MTHFSD: variants seen among roughly 807,000 people sequenced by gnomAD.
MTHFSD encodes the protein methenyltetrahydrofolate synthetase domain containing.
MTHFSD carries 37 observed loss-of-function variants against 31.1 expected under a neutral mutation model. The observed-to-expected ratio is 1.19, with a 90% CI of 0.91 to 1.56. The LOEUF (loss-of-function observed/expected upper bound fraction) is 1.56, where lower values mean the gene tolerates loss of function less well. MTHFSD is among the 40% of genes most tolerant of loss of function. The probability of loss-of-function intolerance (pLI) is 0.00; values close to 1 mark genes in which losing one functional copy is unlikely to be tolerated. For synonymous variants in MTHFSD, 221 were observed against 206.9 expected (o/e 1.07, Z -0.59); for missense variants, 664 against 510.1 (o/e 1.30, Z -2.91).
Position 86,552,171 on chromosome 16 carries a change from G to C in MTHFSD, c.124-25C>G, listed in dbSNP as rs116406954. ...CCTAGTTAGGCAAATAGACAGAGTTGCACTTACTTCAAGGACGAAGAAGCG... is the reference window on the plus strand; with the variant it reads ...CCTAGTTAGGCAAATAGACAGAGTTCCACTTACTTCAAGGACGAAGAAGCG... On this transcript the variant is annotated intron_variant, in intron 2 of 7. Transcript: ENST00000360900. The C allele has an allele frequency of 4.0e-4, 645 of 1,614,188 alleles. 2 individuals are homozygous for C. In the African/African-American group the frequency reaches 7.8e-3, roughly 19 times the overall value.
In MTHFSD at chr16:86,531,985, A is replaced by C; in HGVS notation, c.*26T>G. ...CAGGGGACGGGGATGGCGAGTCTGC[A>C]GTGAGCTCCGTGGCTGTCCACGAGG... is the stretch of plus-strand genomic sequence containing the variant. On this transcript the variant is annotated 3_prime_UTR_variant, in exon 8 of 8. Coordinates refer to ENST00000360900, the MANE Select transcript of MTHFSD (RefSeq NM_001159377.2). This position sits in a 1 kb window ranked among gnomAD's most constrained non-coding sequence, Gnocchi z 5.5. The C allele has an allele frequency of 7.1e-7, 1 of 1,408,646 alleles. No homozygotes were observed. Among genetic ancestry groups the C allele is most frequent in the Non-Finnish European group, 9.3e-7 (1 of 1,079,656 alleles). The allele number at this position is 1,408,646 out of a possible 1,614,324, so 87.3% of individuals were successfully genotyped here.
At position 86,535,225 on chromosome 16, in the gene MTHFSD, T is replaced by C. The variant is rs367555243; in HGVS notation, c.682-2744A>G. Reference sequence around the variant, plus strand: ...TCCGCAGGGGCCGTTAGAATGGAAATGTGGAAGTGTGTTCCACTGCAGGAA... The same window carrying C: ...TCCGCAGGGGCCGTTAGAATGGAAACGTGGAAGTGTGTTCCACTGCAGGAA... On this transcript the variant is annotated intron_variant, in intron 7 of 7. Coordinates refer to ENST00000360900, the MANE Select transcript of MTHFSD (RefSeq NM_001159377.2). 1.7e-4 allele frequency: 168 copies of C among 985,024 alleles called. 1 individual carries two copies. The African/African-American group carries it at 2.6e-3, about 15-fold the overall frequency. The allele number at this position is 985,024 out of a possible 1,614,324, so 61.0% of individuals were successfully genotyped here.
intron 7 of MTHFSD, chr16:86,533,133 C>T (rs758674629): frequency 6.6e-6 from 1 of 152,268 alleles, no homozygotes; most frequent in Non-Finnish European, 1.5e-5. Flanking sequence ...CTATGCGAAA[C>T]TTAAGTCTCA....
In MTHFSD at chr16:86,541,745, G is replaced by T. The variant is rs910039595; in HGVS notation, c.633C>A (p.Ile211=). 6.2e-7 allele frequency: 1 copy of T among 1,613,968 alleles called. No individual in the cohort carries two copies. The highest frequency in any genetic ancestry group is 1.7e-5 in the Admixed American group (1 of 59,996). The stretch of plus-strand genomic sequence containing the variant: ...GCTTTGGGCGCTTGCAGCCTGTGGC[G>T]ATGACTCTGGTTGGAGTGAGGATGT... ...VDYILTPTRV[I]ATGCKRPKPM... Residue 211 remains isoleucine, a synonymous_variant, in exon 7 of 8, where the codon ATC becomes ATA. Coordinates refer to ENST00000360900, the MANE Select transcript of MTHFSD (RefSeq NM_001159377.2).
chr16:86,532,151 A>C lies in MTHFSD; in HGVS notation c.1012T>G (p.Trp338Gly), dbSNP rs1970057050. The C allele has an allele frequency of 6.4e-7, 1 of 1,565,506 alleles. No homozygotes were observed. Residue 338 changes from tryptophan (W) to glycine (G), a missense_variant, in exon 8 of 8, where the codon TGG becomes GGG. Physicochemically the swap from Trp to Gly is radical, Grantham distance 184 (BLOSUM62 -2). Coordinates refer to ENST00000360900, the MANE Select transcript of MTHFSD (RefSeq NM_001159377.2). ...ELGSVPLRLT[W>G]QGPRRRAFLH... ...AAGGCTCTGCGCCGCGGGCCCTGCC[A>C]GGTGAGCCGCAGGGGCACGGAGCCG...
intron 7 of MTHFSD, chr16:86,540,727 T>C: frequency 1.3e-5 from 13 of 990,108 alleles, no homozygotes; most frequent in Non-Finnish European, 1.6e-5. Context: ...TCAAGGGATA[T>C]TTTCATTTCC....
chr16:86,536,247 G>GA (rs1456908455), intron 7 of MTHFSD, among the ~76,000 whole-genome samples: 1 of 152,208 alleles, frequency 6.6e-6, no homozygotes, highest in African/African-American at 2.4e-5. Flanking sequence ...GTTCACTGAG[G>GA]AAAATGCTTT....
intron 7 of MTHFSD, among the ~76,000 whole-genome samples, chr16:86,536,139 GC>G (rs929020133): frequency 2.0e-5 from 3 of 152,232 alleles, no homozygotes; most frequent in African/African-American, 7.2e-5. Context: ...ATAGGCGTGA[GC>G]CGTGCTGGTG....
intron 5 of MTHFSD, among the ~76,000 whole-genome samples, chr16:86,543,692 T>C (rs1226379715): frequency 6.6e-6 from 1 of 152,188 alleles, no homozygotes; most frequent in African/African-American, 2.4e-5. Context: ...AAAAGGGATA[T>C]CTATACATCT....
intron 7 of MTHFSD, chr16:86,533,563 T>C (rs2143323610): frequency 6.6e-6 from 1 of 152,372 alleles, no homozygotes. Flanking sequence ...TAAATTGTTC[T>C]ACAAGATGAA....
At chr16:86,546,463 GA>G in intron 5 of MTHFSD, 95 bp downstream of exon 5, 1 of 1,070,966 alleles carries the variant, frequency 9.3e-7, no homozygotes, top group Non-Finnish European at 1.4e-6. Flanking sequence ...CCAGAAAGCA[GA>G]CACCACTGGC....
At chr16:86,552,279 G>A (rs768242002) in intron 2 of MTHFSD, 133 bp from the exon 3 acceptor site, 1 of 1,582,956 alleles carries the variant, frequency 6.3e-7, no homozygotes, top group Non-Finnish European at 8.6e-7. Context: ...TTGCTCGGCA[G>A]CATGAGAAGC....
Position 86,555,159 on chromosome 16 carries a change from G to A in MTHFSD, c.16+10C>T, listed in dbSNP as rs750005274. The stretch of plus-strand genomic sequence containing the variant: ...TCCCAGCCGCCCCGGAGCCCCGCCA[G>A]GCCCCCCACCTGCCCTCGGCTCCAT... On this transcript the variant is annotated intron_variant, in intron 1 of 7. Coordinates refer to ENST00000360900, the MANE Select transcript of MTHFSD (RefSeq NM_001159377.2). 2.6e-6 allele frequency: 4 copies of A among 1,535,752 alleles called. No individual in the cohort carries two copies. The highest frequency in any genetic ancestry group is 1.4e-5 in the African/African-American group (1 of 73,016).
At chr16:86,538,484 G>A (rs533909389) in intron 7 of MTHFSD, among the ~76,000 whole-genome samples, 1 of 152,220 alleles carries the variant, frequency 6.6e-6, no homozygotes, top group African/African-American at 2.4e-5. Flanking sequence ...CTGGGAGCTG[G>A]CTGGGACTCT....
chr16:86,535,547 A>G, intron 7 of MTHFSD: 26 of 981,066 alleles, frequency 2.7e-5, no homozygotes, highest in Non-Finnish European at 2.9e-5. Flanking sequence ...TATGCTTGTT[A>G]CTCAAACATG....
intron 5 of MTHFSD, among the ~76,000 whole-genome samples, chr16:86,544,479 G>T (rs1223892367): frequency 6.6e-6 from 1 of 152,196 alleles, no homozygotes; most frequent in African/African-American, 2.4e-5. Context: ...ATGGAAAAAA[G>T]CTCAACATCA....
chr16:86,540,797 T>A (rs950980655), intron 7 of MTHFSD: 1 of 1,006,330 alleles, frequency 9.9e-7, no homozygotes, highest in African/African-American at 1.7e-5. Flanking sequence ...GGGCCGCCCA[T>A]ACACTCTGGG....
At chr16:86,551,840 T>G (rs1973191912) in intron 3 of MTHFSD, 193 bp downstream of exon 3, 1 of 1,017,306 alleles carries the variant, frequency 9.8e-7, no homozygotes, top group Non-Finnish European at 1.4e-6. Context: ...CCTGATTGAC[T>G]GAATTGCTAA....
intron 4 of MTHFSD, 21 bp downstream of exon 4, chr16:86,548,443 G>A (rs1972646861): frequency 6.3e-7 from 1 of 1,575,328 alleles, no homozygotes; most frequent in Non-Finnish European, 8.7e-7. Context: ...CCTAGGTGGG[G>A]ACATTGCTTC....
Sources: gnomAD v4.1 joint callset for allele counts (sites outside exome capture counted in the v4.1 genomes callset) on GRCh38, gnomAD v4.1.1 for gene constraint, Gnocchi (gnomAD v3.1) non-coding constraint, MANE v1.5 for transcripts, NCBI Gene and HGNC (gene_info 2026-07-23, HGNC 2026-07-21) for gene names.